Variants in RASSF2 observed in about 807,000 individuals in gnomAD.
The protein encoded by RASSF2 is Ras association domain family member 2.
In RASSF2, 34 loss-of-function variants were observed where a neutral mutation model predicts 46.3. That is an observed-to-expected ratio of 0.73 (90% CI 0.56 to 0.98). The LOEUF (loss-of-function observed/expected upper bound fraction) is 0.98. RASSF2 is among the 50% of genes least tolerant of loss of function. RASSF2 has a pLI of 0.00. For synonymous variants in RASSF2, 158 were observed against 162.5 expected (o/e 0.97, Z 0.21); for missense variants, 364 against 431.2 (o/e 0.84, Z 1.38).
intron 2 of RASSF2, among the ~76,000 whole-genome samples, chr20:4,810,522 A>G (rs1206275740): frequency 6.6e-6 from 1 of 152,062 alleles, no homozygotes; most frequent in Non-Finnish European, 1.5e-5. Context: ...TTGGTCTCAG[A>G]GCATCCCCAG....
chr20:4,786,411 C>T, intron 10 of RASSF2, 83 bp from the exon 11 acceptor site: 2 of 1,190,930 alleles, frequency 1.7e-6, no homozygotes, highest in Non-Finnish European at 2.5e-6. Flanking sequence ...ATACAAGGCA[C>T]AAAGCCTTGG....
At chr20:4,800,656 G>A (rs963497893) in intron 3 of RASSF2, among the ~76,000 whole-genome samples, 4 of 152,124 alleles carry the variant, frequency 2.6e-5, no homozygotes, top group African/African-American at 9.7e-5. Flanking sequence ...TCAGAAGATA[G>A]CGAACAGCCA....
intron 6 of RASSF2, among the ~76,000 whole-genome samples, chr20:4,791,922 AC>A (rs1925910821): frequency 6.6e-6 from 1 of 152,212 alleles, no homozygotes; most frequent in Non-Finnish European, 1.5e-5. Context: ...TGGGATCTGC[AC>A]AATGCTACCA....
At chr20:4,800,164 G>T (rs1370204535) in intron 3 of RASSF2, among the ~76,000 whole-genome samples, 1 of 152,012 alleles carries the variant, frequency 6.6e-6, no homozygotes, top group Non-Finnish European at 1.5e-5. Flanking sequence ...CAATTCAAGG[G>T]TCTATTTTGG....
intron 5 of RASSF2, among the ~76,000 whole-genome samples, chr20:4,793,531 G>A (rs1320505971): frequency 6.6e-6 from 1 of 152,216 alleles, no homozygotes; most frequent in Non-Finnish European, 1.5e-5. Flanking sequence ...GACCTGGTCA[G>A]AGCTTCTGGG....
Position 4,786,318 on chromosome 20 carries a change from T to A in RASSF2, c.824A>T (p.Tyr275Phe), listed in dbSNP as rs1485852692. The A allele has an allele frequency of 1.2e-6, 2 of 1,607,006 alleles. No individual in the cohort carries two copies. Among genetic ancestry groups the A allele is most frequent in the South Asian group, 2.2e-5 (2 of 90,932 alleles). Residue 275 changes from tyrosine (Y) to phenylalanine (F), a missense_variant, in exon 11 of 12, where the codon TAT (tyrosine) becomes TTT (phenylalanine). Transcript: ENST00000379400. ...AAGTACCGGCATCTCGAACTTTATA[T>A]ACTGGGCCACCTAGAGAGAAAGAAG... ...VEEVTYDVAQ[Y>F]IKFEMPVLKS...
At chr20:4,796,358 A>G (rs1398385434) in intron 4 of RASSF2, among the ~76,000 whole-genome samples, 1 of 152,234 alleles carries the variant, frequency 6.6e-6, no homozygotes, top group African/African-American at 2.4e-5. Flanking sequence ...ACTACGGAAA[A>G]TGATGTCTCT....
intron 2 of RASSF2, among the ~76,000 whole-genome samples, chr20:4,809,560 CCCAGCTCCCAGCCTGTGCCTCT>C (rs750031836): frequency 1.6e-3 from 246 of 152,260 alleles, no homozygotes; most frequent in Non-Finnish European, 3.0e-3. Context: ...GCCCCCAGCC[CCCAGCTCCCAGCCTGTGCCTCT>C]CCTGCACCCG....
At chr20:4,802,684 G>A (rs749519157) in intron 2 of RASSF2, among the ~76,000 whole-genome samples, 12 of 152,022 alleles carry the variant, frequency 7.9e-5, no homozygotes, top group African/African-American at 1.2e-4. Context: ...CCAGAGGCTG[G>A]GAAGAAGGGG....
At chr20:4,785,424 C>T (rs758425646) in intron 11 of RASSF2, among the ~76,000 whole-genome samples, 8 of 152,232 alleles carry the variant, frequency 5.3e-5, no homozygotes, top group South Asian at 2.1e-4. Flanking sequence ...TTATGATCAT[C>T]GATACAGCAA....
Position 4,801,045 on chromosome 20 carries a change from T to G in RASSF2, c.-15A>C. On this transcript the variant is annotated 5_prime_UTR_variant, in exon 3 of 12. Coordinates refer to ENST00000379400, the MANE Select transcript of RASSF2 (RefSeq NM_014737.3). ...CTGTAGTCCATTCTTCCTTTCTCTT[T>G]TCATCGGAAGGAGAGGCCTACATTT... is the stretch of plus-strand genomic sequence containing the variant. 1 of 1,613,432 alleles carries G rather than the reference T, an allele frequency of 6.2e-7. No homozygotes were observed. Among genetic ancestry groups the G allele is most frequent in the South Asian group, 1.1e-5 (1 of 91,060 alleles).
rs1328431120 is a variant in RASSF2 at position 4,790,964 on chromosome 20, G to A, written c.377-353C>T. ...GTTTAAATGAGTTAGTATACATAAAGCACTTAGAATAGTGCCTGGCACAGG... is the reference window on the plus strand; with the variant it reads ...GTTTAAATGAGTTAGTATACATAAAACACTTAGAATAGTGCCTGGCACAGG... On this transcript the variant is annotated intron_variant, in intron 6 of 11. Transcript: ENST00000379400. This position sits in a 1 kb window ranked among gnomAD's most constrained non-coding sequence, Gnocchi z 4.3. 3.3e-5 allele frequency among the ~76,000 whole-genome samples: 5 copies of A among 152,162 alleles called. No individual in the cohort carries two copies. Among genetic ancestry groups the A allele is most frequent in the Admixed American group, 2.6e-4 (4 of 15,262 alleles).
At chr20:4,794,753 G>A (rs73893831) in intron 5 of RASSF2, among the ~76,000 whole-genome samples, 2,941 of 152,260 alleles carry the variant, frequency 0.019, 106 homozygotes, top group African/African-American at 0.068. Context: ...GAAAAGCAGA[G>A]CATGAAACCT....
intron 3 of RASSF2, among the ~76,000 whole-genome samples, chr20:4,799,706 G>A (rs1034132068): frequency 1.3e-5 from 2 of 152,218 alleles, no homozygotes; most frequent in African/African-American, 4.8e-5. Flanking sequence ...AAGTCCCTGG[G>A]GAAATCTGTC....
At position 4,784,115 on chromosome 20, in the gene RASSF2, T is replaced by G; in HGVS notation, c.*158A>C. 2.9e-6 allele frequency: 2 copies of G among 699,470 alleles called. No individual in the cohort carries two copies. The highest frequency in any genetic ancestry group is 5.0e-6 in the Non-Finnish European group (2 of 399,080). 43.3% of individuals were successfully genotyped at this position (699,470 alleles called of 1,614,324 possible). On this transcript the variant is annotated 3_prime_UTR_variant, in exon 12 of 12. Transcript: ENST00000379400. ...GGTCCAGGGATAGGGAGCTGTCTGCTGACTTCTACATCCAGCTCCAGGTAG... is the reference window on the plus strand; with the variant it reads ...GGTCCAGGGATAGGGAGCTGTCTGCGGACTTCTACATCCAGCTCCAGGTAG...
chr20:4,798,078 G>T lies in RASSF2; in HGVS notation c.67C>A (p.Leu23Ile), dbSNP rs746297599. ...GQDKYISKNE[L>I]LLHLKTYNLY... ...TTGTAGGTCTTCAGATGCAAGAGAA[G>T]TTCATTTCTTAGGGGGAAAAATAGA... The change falls in exon 4 of 12, where the codon CTT (leucine) becomes ATT (isoleucine). Residue 23 changes from leucine (L) to isoleucine (I), a missense_variant. Transcript: ENST00000379400. 1.9e-6 allele frequency: 3 copies of T among 1,613,798 alleles called. No individual in the cohort carries two copies. The highest frequency in any genetic ancestry group is 1.7e-5 in the Admixed American group (1 of 60,000).
chr20:4,800,173 G>C (rs919246935), intron 3 of RASSF2, among the ~76,000 whole-genome samples: 3 of 152,090 alleles, frequency 2.0e-5, no homozygotes, highest in African/African-American at 7.2e-5. Flanking sequence ...GGTCTATTTT[G>C]GCTCAAGCCC....
At chr20:4,797,753 T>TC (rs1237817307) in intron 4 of RASSF2, among the ~76,000 whole-genome samples, 95 of 152,054 alleles carry the variant, frequency 6.2e-4, no homozygotes, top group African/African-American at 1.8e-3. Flanking sequence ...CTGGAGAATC[T>TC]CCCCCATGAG....
chr20:4,784,419 TA>T (rs1925106383), intron 11 of RASSF2, 77 bp from the exon 12 acceptor site: 2 of 1,397,538 alleles, frequency 1.4e-6, no homozygotes, highest in African/African-American at 1.4e-5. Context: ...GCCACCTGGG[TA>T]ACACCAAGGT....
Sources: gnomAD v4.1 joint callset for allele counts (sites outside exome capture counted in the v4.1 genomes callset) on GRCh38, gnomAD v4.1.1 for gene constraint, Gnocchi (gnomAD v3.1) non-coding constraint, MANE v1.5 for transcripts, NCBI Gene and HGNC (gene_info 2026-07-23, HGNC 2026-07-21) for gene names.